Variants in VSTM4 observed in about 807,000 individuals in gnomAD.
The protein encoded by VSTM4 is V-set and transmembrane domain containing 4, also known as V-set and transmembrane domain-containing protein 4.
VSTM4 carries 20 observed loss-of-function variants against 36.4 expected under a neutral mutation model. The ratio of observed to expected loss-of-function variants is 0.55; its 90% confidence interval spans 0.39 to 0.80. The LOEUF (loss-of-function observed/expected upper bound fraction) is 0.80. Ranked by LOEUF, VSTM4 falls within the 30% of genes least tolerant of loss-of-function variation. The pLI, the probability that VSTM4 is intolerant of heterozygous loss-of-function variation, is 0.00. For synonymous variants in VSTM4, 182 were observed against 173.9 expected, an observed-to-expected ratio of 1.05 and a Z score of -0.37; for missense variants, 392 against 404.5, an observed-to-expected ratio of 0.97 and a Z score of 0.26.
chr10:49,103,909 C>T (rs761324918), intron 2 of VSTM4: 12 of 1,555,484 alleles, frequency 7.7e-6, no homozygotes, highest in South Asian at 3.5e-5. Context: ...AGAGAGACCA[C>T]GGGCCTGGGG....
intron 7 of VSTM4, among the ~76,000 whole-genome samples, chr10:49,022,609 A>C (rs1034734121): frequency 6.6e-6 from 1 of 152,098 alleles, no homozygotes; most frequent in Non-Finnish European, 1.5e-5. Flanking sequence ...TGACACCAAA[A>C]GTCTTTACAT....
At chr10:49,067,207 AT>A (rs549000241) in intron 4 of VSTM4, among the ~76,000 whole-genome samples, 161 of 126,106 alleles carry the variant, frequency 1.3e-3, no homozygotes, top group African/African-American at 8.0e-3. Flanking sequence ...CAAAAAAATG[AT>A]TGAGTGCATA....
intron 7 of VSTM4, among the ~76,000 whole-genome samples, chr10:49,037,458 A>T (rs754357303): frequency 1.8e-4 from 27 of 152,246 alleles, no homozygotes; most frequent in Non-Finnish European, 4.4e-5. Flanking sequence ...GAGGACTCAG[A>T]CTAAGTTCCA....
intron 2 of VSTM4, among the ~76,000 whole-genome samples, chr10:49,106,308 A>G (rs1179406340): frequency 6.6e-6 from 1 of 152,228 alleles, no homozygotes; most frequent in Non-Finnish European, 1.5e-5. Flanking sequence ...ATTTGAGACT[A>G]TCAGCTGTAC....
intron 7 of VSTM4, among the ~76,000 whole-genome samples, chr10:49,032,054 G>T (rs1031523899): frequency 1.3e-5 from 2 of 151,284 alleles, no homozygotes; most frequent in African/African-American, 4.9e-5. Flanking sequence ...CCCACCCCCA[G>T]CTCCCCTTGC....
At chr10:49,108,338 T>C (rs1844828819) in intron 1 of VSTM4, among the ~76,000 whole-genome samples, 1 of 152,236 alleles carries the variant, frequency 6.6e-6, no homozygotes, top group South Asian at 2.1e-4. Context: ...TTCTTAAAAA[T>C]GTCTAGCCCA....
intron 2 of VSTM4, among the ~76,000 whole-genome samples, chr10:49,093,508 C>T (rs1590124966): frequency 1.3e-5 from 2 of 152,250 alleles, no homozygotes; most frequent in South Asian, 2.1e-4. Context: ...TAAGGATGGA[C>T]GTGTCTTCCC....
chr10:49,040,464 T>C lies in VSTM4; in HGVS notation c.837+6519A>G, dbSNP rs150965580. ...TGCCCGGCTAATTTTTTTTGTAATT[T>C]TTGAGGAGACGAGGTTTCACGATAT... On this transcript the variant is annotated intron_variant, in intron 7 of 7. Coordinates refer to ENST00000332853, the MANE Select transcript of VSTM4 (RefSeq NM_001031746.5). Among the ~76,000 whole-genome samples the C allele has an allele frequency of 5.2e-4, 79 of 152,172 alleles. No individual in the cohort carries two copies. The East Asian group carries it at 9.9e-3, about 19-fold the overall frequency.
At chr10:49,037,012 C>T (rs1843441175) in intron 7 of VSTM4, among the ~76,000 whole-genome samples, 1 of 152,200 alleles carries the variant, frequency 6.6e-6, no homozygotes. Flanking sequence ...AAGTGCTACA[C>T]TAGGAGATCA....
Position 49,109,756 on chromosome 10 carries a change from T to G in VSTM4, c.56-1761A>C, listed in dbSNP as rs575486637. ...TGCCTACAGTGATGCGGGAGATACT[T>G]AGGGCTGCAGACTAATGTGTAGCCA... On this transcript the variant is annotated intron_variant, in intron 1 of 7. Transcript: ENST00000332853. Among the ~76,000 whole-genome samples, 5 of 152,294 alleles carry G rather than the reference T, an allele frequency of 3.3e-5. No individual in the cohort carries two copies. The South Asian group carries it at 1.0e-3, about 32-fold the overall frequency.
chr10:49,035,940 A>G (rs953853680), intron 7 of VSTM4, among the ~76,000 whole-genome samples: 1 of 152,212 alleles, frequency 6.6e-6, no homozygotes, highest in South Asian at 2.1e-4. Flanking sequence ...TCTCTGACAC[A>G]GCTGAGAAGC....
intron 5 of VSTM4, among the ~76,000 whole-genome samples, chr10:49,062,074 G>T (rs185946836): frequency 1.3e-5 from 2 of 152,244 alleles, no homozygotes; most frequent in African/African-American, 4.8e-5. Context: ...GACTTTACAC[G>T]GTCTATTGGC....
At chr10:49,065,177 C>T (rs1843950882) in intron 4 of VSTM4, among the ~76,000 whole-genome samples, 4 of 152,234 alleles carry the variant, frequency 2.6e-5, no homozygotes, top group Admixed American at 1.3e-4. Flanking sequence ...AAAAAGAGGC[C>T]CTCGGGAAAA....
intron 3 of VSTM4, among the ~76,000 whole-genome samples, chr10:49,080,917 G>C (rs1275808272): frequency 1.3e-5 from 2 of 152,198 alleles, no homozygotes; most frequent in African/African-American, 4.8e-5. Context: ...TCTAGTAAAT[G>C]CCTGTGTCTC....
At chr10:49,105,382 C>G (rs1246007597) in intron 2 of VSTM4, among the ~76,000 whole-genome samples, 1 of 144,056 alleles carries the variant, frequency 6.9e-6, no homozygotes, top group Non-Finnish European at 1.5e-5. Context: ...GAGAGAGAGA[C>G]AGAAAGAGAG....
intron 3 of VSTM4, among the ~76,000 whole-genome samples, chr10:49,080,409 C>T (rs1844258068): frequency 6.6e-6 from 1 of 152,224 alleles, no homozygotes; most frequent in South Asian, 2.1e-4. Context: ...CCAGGGAAGC[C>T]CAGCAGAACC....
intron 2 of VSTM4, among the ~76,000 whole-genome samples, chr10:49,094,782 G>C (rs1844539005): frequency 6.6e-6 from 1 of 152,160 alleles, no homozygotes; most frequent in Non-Finnish European, 1.5e-5. Flanking sequence ...CTCAGTGGCA[G>C]GGGGTGGGGG....
In VSTM4 at chr10:49,073,751, A is replaced by T. The variant is rs564198464; in HGVS notation, c.634+3468T>A. On this transcript the variant is annotated intron_variant, in intron 4 of 7. Coordinates refer to ENST00000332853, the MANE Select transcript of VSTM4 (RefSeq NM_001031746.5). ...ATGGCAGGGAAGCTTGACATCTGTG[A>T]TATATAGGAAAGTCCACAAATGAAG... 7.2e-5 allele frequency among the ~76,000 whole-genome samples: 11 copies of T among 152,318 alleles called. No homozygotes were observed. In the South Asian group the frequency reaches 1.7e-3, roughly 23 times the overall value.
At chr10:49,101,616 C>T (rs1844667404) in intron 2 of VSTM4, among the ~76,000 whole-genome samples, 1 of 152,156 alleles carries the variant, frequency 6.6e-6, no homozygotes, top group Non-Finnish European at 1.5e-5. Context: ...GTTAAAGAGG[C>T]TTCAGGGAAA....
Sources: allele counts gnomAD v4.1 joint callset (sites outside exome capture counted in the v4.1 genomes callset), GRCh38; gene constraint gnomAD v4.1.1; transcripts MANE v1.5; gene names NCBI Gene and HGNC (gene_info 2026-07-23, HGNC 2026-07-21).